Variants in BLTP1 observed in about 807,000 individuals in gnomAD.
BLTP1 encodes the protein fragile site-associated protein.
the BLTP1 span, chr4:122,301,175 C>A: frequency 8.6e-7 from 1 of 1,167,168 alleles, no homozygotes; most frequent in Non-Finnish European, 1.2e-6. Flanking sequence ...TGTAACTTAG[C>A]TAAAGATCTC....
chr4:122,328,817 A>G, the BLTP1 span: 1 of 950,910 alleles, frequency 1.1e-6, no homozygotes, highest in East Asian at 1.2e-4. Context: ...AATGAAATAA[A>G]TGACATATGT....
chr4:122,196,517 C>CT, the BLTP1 span: 1 of 763,258 alleles, frequency 1.3e-6, no homozygotes, highest in Non-Finnish European at 2.1e-6. Context: ...AGAAAACAGT[C>CT]TAATTGTCAA....
At chr4:122,324,572 A>C in the BLTP1 span, 3 of 1,535,528 alleles carry the variant, frequency 2.0e-6, no homozygotes, top group African/African-American at 4.1e-5. Flanking sequence ...CAAGTAATAA[A>C]ATTGTTGACT....
At chr4:122,251,669 C>G in the BLTP1 span, 8 of 903,616 alleles carry the variant, frequency 8.9e-6, no homozygotes, top group Non-Finnish European at 1.1e-5. Flanking sequence ...CTTGATCTCT[C>G]AGATCCTACT....
the BLTP1 span, chr4:122,236,735 T>A: frequency 1.1e-6 from 1 of 934,404 alleles, no homozygotes; most frequent in Non-Finnish European, 1.3e-6. Context: ...AGGAAAATAG[T>A]AAATTCTCTT....
chr4:122,270,589 T>A, the BLTP1 span, among the ~76,000 whole-genome samples: 1 of 152,024 alleles, frequency 6.6e-6, no homozygotes, highest in African/African-American at 2.4e-5. Flanking sequence ...GAGGGCTTCC[T>A]ATCTAATATC....
At chr4:122,186,502 T>G in the BLTP1 span, among the ~76,000 whole-genome samples, 1 of 152,068 alleles carries the variant, frequency 6.6e-6, no homozygotes, top group Non-Finnish European at 1.5e-5. Context: ...TTTGAATGTA[T>G]GTACATAAAT....
the BLTP1 span, chr4:122,272,040 AT>A: frequency 8.1e-7 from 1 of 1,241,638 alleles, no homozygotes. Flanking sequence ...TTTGTTGGGG[AT>A]TAGGAGAAAG....
the BLTP1 span, chr4:122,328,688 C>T: frequency 1.4e-5 from 14 of 982,032 alleles, no homozygotes; most frequent in South Asian, 4.7e-4. Context: ...TAACAGATTG[C>T]AGCAAGGAGA....
At chr4:122,217,134 C>T in the BLTP1 span, among the ~76,000 whole-genome samples, 489 of 151,992 alleles carry the variant, frequency 3.2e-3, 3 homozygotes, top group Non-Finnish European at 4.1e-3. Context: ...TATGCTTTGT[C>T]GATGATCAGT....
the BLTP1 span, among the ~76,000 whole-genome samples, chr4:122,258,116 A>G: frequency 6.6e-6 from 1 of 152,314 alleles, no homozygotes; most frequent in South Asian, 2.1e-4. Context: ...GTGGATATAC[A>G]TTTATGAAAT....
chr4:122,362,396 T>C, the BLTP1 span: 33 of 621,566 alleles, frequency 5.3e-5, no homozygotes, highest in Non-Finnish European at 6.2e-5. Context: ...CTGTTCTAGT[T>C]CCATCATTCT....
the BLTP1 span, chr4:122,244,499 A>C: frequency 7.7e-6 from 2 of 258,718 alleles, no homozygotes; most frequent in Non-Finnish European, 1.2e-5. Flanking sequence ...CTGTATATTC[A>C]AATTAATTAT....
the BLTP1 span, chr4:122,274,443 A>T: frequency 1.3e-6 from 2 of 1,589,690 alleles, no homozygotes; most frequent in Non-Finnish European, 1.7e-6. Flanking sequence ...TACAGTAAGT[A>T]TGTCAGTTTT....
the BLTP1 span, chr4:122,355,612 C>A: frequency 2.0e-5 from 3 of 153,216 alleles, no homozygotes; most frequent in Non-Finnish European, 4.2e-5. Context: ...TATATATATA[C>A]ATATGTGTCC....
At chr4:122,249,067 A>G in the BLTP1 span, 2 of 941,994 alleles carry the variant, frequency 2.1e-6, no homozygotes, top group Non-Finnish European at 2.5e-6. Context: ...AAAATATGTC[A>G]GTATAAAACA....
chr4:122,182,934 C>T, the BLTP1 span: 4 of 979,788 alleles, frequency 4.1e-6, no homozygotes, highest in Non-Finnish European at 4.8e-6. Context: ...TTGAAAGACA[C>T]TTGGGTCACT....
the BLTP1 span, chr4:122,192,252 G>T: frequency 3.1e-6 from 5 of 1,612,652 alleles, no homozygotes; most frequent in Non-Finnish European, 4.2e-6. Context: ...AGAAACAGAA[G>T]AAAATATTGA....
At chr4:122,208,068 G>C in the BLTP1 span, 2 of 984,856 alleles carry the variant, frequency 2.0e-6, no homozygotes, top group African/African-American at 3.5e-5. Context: ...AAAATTTTAT[G>C]GAACATTTTT....
Sources: allele counts gnomAD v4.1 joint callset (sites outside exome capture counted in the v4.1 genomes callset), GRCh38; gene constraint gnomAD v4.1.1; transcripts MANE v1.5; gene names NCBI Gene and HGNC (gene_info 2026-07-23, HGNC 2026-07-21).